The following WDTC1 variants were observed in gnomAD, a reference collection of about 807,000 sequenced individuals.
WDTC1 encodes the protein WD and tetratricopeptide repeats 1, also known as WD and tetratricopeptide repeats protein 1.
In WDTC1, 12 loss-of-function variants were observed where a neutral mutation model predicts 76.0. The observed-to-expected ratio is 0.16, with a 90% CI of 0.10 to 0.26. The LOEUF is 0.26. Ranked by LOEUF, WDTC1 falls within the 10% of genes least tolerant of loss-of-function variation. The probability of loss-of-function intolerance (pLI) is 1.00; values close to 1 mark genes in which losing one functional copy is unlikely to be tolerated. For synonymous variants in WDTC1, 326 were observed against 350.8 expected (o/e 0.93, Z 0.79); for missense variants, 511 against 908.8 (o/e 0.56, Z 5.63).
intron 12 of WDTC1, among the ~76,000 whole-genome samples, chr1:27,298,363 G>A (rs2013745738): frequency 6.6e-6 from 1 of 152,236 alleles, no homozygotes. Context: ...TTCAAAACTA[G>A]TTTCTACATG....
chr1:27,262,301 G>A (rs1293757111), intron 2 of WDTC1, among the ~76,000 whole-genome samples: 2 of 152,000 alleles, frequency 1.3e-5, no homozygotes, highest in Non-Finnish European at 2.9e-5. Flanking sequence ...CCATTTAGAA[G>A]GATTGAGTAT....
intron 2 of WDTC1, 143 bp from the exon 3 acceptor site, chr1:27,263,009 A>G: frequency 1.4e-6 from 1 of 697,790 alleles, no homozygotes; most frequent in East Asian, 2.9e-5. Context: ...TTGCCCCAGA[A>G]TAATACAAAG....
chr1:27,263,772 G>T (rs947851759), intron 3 of WDTC1, among the ~76,000 whole-genome samples: 1 of 152,098 alleles, frequency 6.6e-6, no homozygotes, highest in Non-Finnish European at 1.5e-5. Context: ...AAAAAAGTTT[G>T]TTCAATTCCA....
chr1:27,270,043 T>C (rs2012821855), intron 3 of WDTC1, among the ~76,000 whole-genome samples: 1 of 151,348 alleles, frequency 6.6e-6, no homozygotes, highest in Non-Finnish European at 1.5e-5. Flanking sequence ...CTTTGGGTGA[T>C]CCTCCTACCT....
chr1:27,272,220 T>C (rs990269770), intron 3 of WDTC1, among the ~76,000 whole-genome samples: 5 of 151,968 alleles, frequency 3.3e-5, no homozygotes, highest in African/African-American at 4.8e-5. Flanking sequence ...CACTCCAGCC[T>C]GGGCAACAAG....
In WDTC1 at chr1:27,289,951, G is replaced by T. The variant is rs1039225430; in HGVS notation, c.479+2090G>T. ...ATGGCAGCAGTACAGTCCAGCTTCG[G>T]CTCGGCATCAGAGAGAGACCGTGGA... On this transcript the variant is annotated intron_variant, in intron 6 of 15. Transcript: ENST00000319394. 4.6e-5 allele frequency among the ~76,000 whole-genome samples: 7 copies of T among 151,888 alleles called. No homozygotes were observed. In the East Asian group the frequency reaches 1.4e-3, roughly 29 times the overall value.
At chr1:27,269,607 TTTTTTTTTTTTCGG>T (rs1350991746) in intron 3 of WDTC1, among the ~76,000 whole-genome samples, 1,789 of 10,416 alleles carry the variant, frequency 0.17, 51 homozygotes, top group Middle Eastern at 0.25. Context: ...TTGTTTTTTG[TTTTTTTTTTTTCGG>T]TTTTTTTTTT....
chr1:27,250,599 G>A (rs1026772429), intron 1 of WDTC1, among the ~76,000 whole-genome samples: 2 of 152,164 alleles, frequency 1.3e-5, no homozygotes, highest in Admixed American at 1.3e-4. Context: ...CACTGAGGGG[G>A]AAGCTGGAAT....
chr1:27,266,560 CA>C (rs1302544396), intron 3 of WDTC1, among the ~76,000 whole-genome samples: 2 of 152,172 alleles, frequency 1.3e-5, no homozygotes, highest in Admixed American at 6.5e-5. Context: ...CCATGGCACA[CA>C]ACAAACATTA....
chr1:27,291,708 C>T, intron 6 of WDTC1, among the ~76,000 whole-genome samples: 1 of 152,258 alleles, frequency 6.6e-6, no homozygotes, highest in East Asian at 1.9e-4. Flanking sequence ...TTTCTGTCAC[C>T]TCCATACCTT....
chr1:27,271,821 G>T (rs992636819), intron 3 of WDTC1, among the ~76,000 whole-genome samples: 4 of 150,790 alleles, frequency 2.7e-5, no homozygotes, highest in Non-Finnish European at 4.4e-5. Context: ...ATTTTTAGTA[G>T]AGATGGGGTT....
At chr1:27,271,186 G>A (rs2147945781) in intron 3 of WDTC1, among the ~76,000 whole-genome samples, 1 of 152,184 alleles carries the variant, frequency 6.6e-6, no homozygotes, top group East Asian at 1.9e-4. Flanking sequence ...TAACTCTTCT[G>A]TGGACCTTTT....
In WDTC1 at chr1:27,301,420, G is replaced by T; in HGVS notation, c.1427G>T (p.Gly476Val). ...QAHSSACDAL[G>V]RDITAALFSK... ...CACAGCAGCGCTTGTGATGCATTGG[G>T]CCGCGACATCACAGCTGCCCTCTTC... Residue 476 changes from glycine (G) to valine (V), a missense_variant, in exon 13 of 16, where the codon GGC (glycine) becomes GTC (valine). By Grantham distance (109) the Gly-to-Val change is moderately radical. Coordinates refer to ENST00000319394, the MANE Select transcript of WDTC1 (RefSeq NM_001276252.2). This position sits in a 1 kb window ranked among gnomAD's most constrained non-coding sequence, Gnocchi z 5.8. The T allele has an allele frequency of 2.5e-6, 4 of 1,613,982 alleles. No homozygotes were observed. The highest frequency in any genetic ancestry group is 2.5e-6 in the Non-Finnish European group (3 of 1,180,040).
rs922593153 is a variant in WDTC1, at chr1:27,307,857, GT to G, written c.*1475del. 1 of 151,996 alleles carries G rather than the reference GT, an allele frequency of 6.6e-6. No individual in the cohort carries two copies. Among genetic ancestry groups the G allele is most frequent in the Non-Finnish European group, 1.5e-5 (1 of 68,002 alleles). 9.4% of individuals were successfully genotyped at this position (151,996 alleles called of 1,614,324 possible). On this transcript the variant is annotated 3_prime_UTR_variant, in exon 16 of 16. Coordinates refer to ENST00000319394, the MANE Select transcript of WDTC1 (RefSeq NM_001276252.2). The surrounding 1 kb of genome is among the most constrained non-coding windows in gnomAD (Gnocchi z 4.1). ...CTTCCCACCCCTCTCTTCTAGCTTG[GT>G]AATGAAGTATATTTATTGGTGAAGG...
intron 1 of WDTC1, among the ~76,000 whole-genome samples, chr1:27,260,165 C>T (rs566868776): frequency 1.0e-3 from 157 of 152,180 alleles, no homozygotes; most frequent in African/African-American, 3.4e-3. Flanking sequence ...AGTGCAGTGG[C>T]GCAATCTCGG....
chr1:27,290,365 T>G (rs2013504843), intron 6 of WDTC1, among the ~76,000 whole-genome samples: 1 of 152,206 alleles, frequency 6.6e-6, no homozygotes, highest in Admixed American at 6.5e-5. Flanking sequence ...ATTGCTGGTG[T>G]GAGCTACCAC....
chr1:27,268,987 T>A (rs2012768601), intron 3 of WDTC1, among the ~76,000 whole-genome samples: 1 of 149,778 alleles, frequency 6.7e-6, no homozygotes, highest in Admixed American at 6.6e-5. Context: ...AGTGCTGGGA[T>A]TACAGGTGTG....
rs867605814 is a variant in WDTC1 at position 27,298,000 on chromosome 1, C to T, written c.1121C>T (p.Ala374Val). 6.2e-7 allele frequency: 1 copy of T among 1,614,102 alleles called. No individual in the cohort carries two copies. The highest frequency in any genetic ancestry group is 1.1e-5 in the South Asian group (1 of 91,080). Residue 374 changes from alanine to valine, a missense_variant, in exon 12 of 16, where the codon GCC becomes GTC. Physicochemically the swap from Ala to Val is moderately conservative, Grantham distance 64 (BLOSUM62 0). Coordinates refer to ENST00000319394, the MANE Select transcript of WDTC1 (RefSeq NM_001276252.2). ...AAACAGCAAGCCAATGAGGCTTTTG[C>T]CTGCCAGCAGTGGACCCAAGCCATT... ...RVKQQANEAF[A>V]CQQWTQAIQL...
At position 27,265,950 on chromosome 1, in the gene WDTC1, G is replaced by GA. The variant is rs921406766; in HGVS notation, c.132+2725dup. Reference sequence around the variant, plus strand: ...GCAACAAGCACAAAACTCCATCTCAGAAAAAAAAAATTGTTTTAATTTCTA... The same window carrying GA: ...GCAACAAGCACAAAACTCCATCTCAGAAAAAAAAAAATTGTTTTAATTTCTA... On this transcript the variant is annotated intron_variant, in intron 3 of 15. Transcript: ENST00000319394. 2.3e-3 allele frequency among the ~76,000 whole-genome samples: 347 copies of GA among 149,058 alleles called. 2 individuals are homozygous for GA. The highest frequency in any genetic ancestry group is 7.5e-3 in the African/African-American group (307 of 40,738).
Sources: gnomAD v4.1 joint callset for allele counts (sites outside exome capture counted in the v4.1 genomes callset) on GRCh38, gnomAD v4.1.1 for gene constraint, Gnocchi (gnomAD v3.1) non-coding constraint, MANE v1.5 for transcripts, NCBI Gene and HGNC (gene_info 2026-07-23, HGNC 2026-07-21) for gene names.